NCAM2: variants seen among roughly 807,000 people sequenced by gnomAD.
NCAM2 encodes the protein neural cell adhesion molecule 2.
In NCAM2, 30 loss-of-function variants were observed where a neutral mutation model predicts 98.1. The observed-to-expected ratio is 0.31, with a 90% confidence interval of 0.23 to 0.41. The LOEUF (loss-of-function observed/expected upper bound fraction) is 0.41, where lower values mean the gene tolerates loss of function less well. NCAM2 is among the 10% of genes least tolerant of loss of function. NCAM2 has a pLI of 1.00. For synonymous variants in NCAM2, 368 were observed against 342.4 expected (o/e 1.07, Z -0.83); for missense variants, 867 against 1,005.8 (o/e 0.86, Z 1.87).
chr21:21,104,761 T>C (rs1352499438), intron 1 of NCAM2, among the ~76,000 whole-genome samples: 1 of 152,134 alleles, frequency 6.6e-6, no homozygotes, highest in Non-Finnish European at 1.5e-5. Flanking sequence ...GTTCTTTCAT[T>C]GTACCAGGAT....
intron 5 of NCAM2, among the ~76,000 whole-genome samples, chr21:21,317,208 ACT>A (rs1439726184): frequency 9.9e-5 from 15 of 151,418 alleles, no homozygotes; most frequent in African/African-American, 3.6e-4. Context: ...CCCTTCTCCC[ACT>A]CTCTGAGTGG....
rs185070654 is a variant in NCAM2, at chr21:21,516,224, A to G, written c.2282+7169A>G. ...CTTGTATTACTCACAAAAGGAGAGT[A>G]AGGTCTACAGTCTCTGAGAAATAAG... On this transcript the variant is annotated intron_variant, in intron 16 of 17. Transcript: ENST00000400546. Among the ~76,000 whole-genome samples the G allele has an allele frequency of 1.8e-3, 274 of 152,330 alleles. 2 individuals carry two copies. Among genetic ancestry groups the G allele is most frequent in the African/African-American group, 6.4e-3 (265 of 41,586 alleles).
intron 1 of NCAM2, among the ~76,000 whole-genome samples, chr21:21,071,566 A>G (rs982855960): frequency 2.0e-5 from 3 of 152,310 alleles, no homozygotes; most frequent in Admixed American, 1.3e-4. Flanking sequence ...TGCATTGAAA[A>G]AGGTTTATGC....
chr21:21,170,949 TA>T (rs34740268), intron 1 of NCAM2, among the ~76,000 whole-genome samples: 5 of 151,286 alleles, frequency 3.3e-5, no homozygotes, highest in South Asian at 2.1e-4. Flanking sequence ...TATTGATTGC[TA>T]AAAAAAAATG....
intron 12 of NCAM2, among the ~76,000 whole-genome samples, chr21:21,445,930 T>A (rs1177590198): frequency 6.6e-6 from 1 of 152,168 alleles, no homozygotes; most frequent in East Asian, 1.9e-4. Context: ...CACAGTGTCA[T>A]TGGTCTTTAT....
At chr21:21,120,007 A>G (rs894007698) in intron 1 of NCAM2, among the ~76,000 whole-genome samples, 2 of 152,166 alleles carry the variant, frequency 1.3e-5, no homozygotes, top group Admixed American at 1.3e-4. Flanking sequence ...CCATTACCTC[A>G]GTGCTTGACT....
chr21:21,011,139 C>G (rs187190908), intron 1 of NCAM2, among the ~76,000 whole-genome samples: 41 of 143,422 alleles, frequency 2.9e-4, no homozygotes, highest in South Asian at 2.6e-3. Flanking sequence ...GGAAACCTGC[C>G]ATTTACTCTG....
At chr21:21,038,197 G>A (rs1391436003) in intron 1 of NCAM2, among the ~76,000 whole-genome samples, 1 of 151,888 alleles carries the variant, frequency 6.6e-6, no homozygotes, top group African/African-American at 2.4e-5. Context: ...AACTGACAAG[G>A]TTGACATTTA....
intron 1 of NCAM2, among the ~76,000 whole-genome samples, chr21:21,193,860 G>T (rs1016934364): frequency 6.6e-6 from 1 of 151,926 alleles, no homozygotes; most frequent in Admixed American, 6.6e-5. Flanking sequence ...TGTTATTCTT[G>T]CATTATTATT....
intron 1 of NCAM2, among the ~76,000 whole-genome samples, chr21:21,071,865 GTCTGCCTATCTATCTA>G (rs1171480143): frequency 2.5e-4 from 34 of 136,870 alleles, no homozygotes; most frequent in African/African-American, 7.8e-4. Context: ...TATTTGTCAT[GTCTGCCTATCTATCTA>G]TCTATCTATC....
intron 1 of NCAM2, among the ~76,000 whole-genome samples, chr21:21,109,772 C>T (rs74546558): frequency 6.6e-6 from 1 of 152,164 alleles, no homozygotes; most frequent in Non-Finnish European, 1.5e-5. Context: ...GTAAGAGTGT[C>T]TAATTCATCC....
chr21:21,252,826 G>T (rs960975310), intron 1 of NCAM2, among the ~76,000 whole-genome samples: 2 of 151,830 alleles, frequency 1.3e-5, no homozygotes, highest in African/African-American at 2.4e-5. Flanking sequence ...CTTCCTTCCT[G>T]TTCTTGCAGG....
chr21:21,169,590 A>G (rs987988335), intron 1 of NCAM2, among the ~76,000 whole-genome samples: 1 of 152,210 alleles, frequency 6.6e-6, no homozygotes, highest in Admixed American at 6.5e-5. Flanking sequence ...TTAAAATTCA[A>G]CAATAAGAAA....
At chr21:21,253,605 G>C (rs1294785714) in intron 1 of NCAM2, among the ~76,000 whole-genome samples, 2 of 152,106 alleles carry the variant, frequency 1.3e-5, no homozygotes, top group East Asian at 3.9e-4. Flanking sequence ...TGACTTGCCA[G>C]CCTTCAAAAT....
intron 1 of NCAM2, among the ~76,000 whole-genome samples, chr21:21,130,728 T>G (rs1238562460): frequency 6.4e-5 from 2 of 31,422 alleles, no homozygotes; most frequent in African/African-American, 1.3e-4. Flanking sequence ...TCTATGTAAA[T>G]TACCAATTTT....
At chr21:21,473,111 G>C (rs576336123) in intron 14 of NCAM2, among the ~76,000 whole-genome samples, 1 of 151,362 alleles carries the variant, frequency 6.6e-6, no homozygotes, top group Admixed American at 6.6e-5. Flanking sequence ...TGCTAACAAT[G>C]ATGAGTACCT....
intron 1 of NCAM2, among the ~76,000 whole-genome samples, chr21:21,220,054 A>G (rs532143491): frequency 1.3e-4 from 13 of 100,966 alleles, no homozygotes; most frequent in South Asian, 1.0e-3. Flanking sequence ...ACGAAAGTCA[A>G]AAAGTTAAAA....
At chr21:21,086,234 A>G (rs952535763) in intron 1 of NCAM2, among the ~76,000 whole-genome samples, 2 of 152,216 alleles carry the variant, frequency 1.3e-5, no homozygotes, top group African/African-American at 4.8e-5. Flanking sequence ...TGAGATAGCA[A>G]TGGATGCTTT....
chr21:21,371,368 C>T (rs1038256047), intron 8 of NCAM2, among the ~76,000 whole-genome samples: 2 of 151,678 alleles, frequency 1.3e-5, no homozygotes, highest in Non-Finnish European at 2.9e-5. Flanking sequence ...AGTTTACTTA[C>T]TCGATAGAGA....
Sources: gnomAD v4.1 joint callset for allele counts (sites outside exome capture counted in the v4.1 genomes callset) on GRCh38, gnomAD v4.1.1 for gene constraint, MANE v1.5 for transcripts, NCBI Gene and HGNC (gene_info 2026-07-23, HGNC 2026-07-21) for gene names.